MPPED2: variants seen among roughly 807,000 people sequenced by gnomAD.
MPPED2 encodes the protein metallophosphoesterase domain containing 2.
MPPED2 carries 5 observed loss-of-function variants against 33.0 expected under a neutral mutation model. The observed-to-expected ratio is 0.15, with a 90% CI of 0.08 to 0.32. The LOEUF (loss-of-function observed/expected upper bound fraction) is 0.32. MPPED2 is among the 10% of genes least tolerant of loss of function. The probability of loss-of-function intolerance (pLI) is 1.00; values close to 1 mark genes in which losing one functional copy is unlikely to be tolerated. For synonymous variants in MPPED2, 136 were observed against 141.9 expected, an observed-to-expected ratio of 0.96 and a Z score of 0.29; for missense variants, 275 against 372.1, an observed-to-expected ratio of 0.74 and a Z score of 2.15.
intron 4 of MPPED2, among the ~76,000 whole-genome samples, chr11:30,476,737 A>C (rs948670160): frequency 3.3e-5 from 5 of 152,070 alleles, no homozygotes; most frequent in Non-Finnish European, 5.9e-5. Context: ...TTTTATTTTC[A>C]AAAAATATTA....
chr11:30,558,734 C>T (rs1048815870), intron 2 of MPPED2, among the ~76,000 whole-genome samples: 1 of 151,776 alleles, frequency 6.6e-6, no homozygotes, highest in Non-Finnish European at 1.5e-5. Flanking sequence ...TCCTTCTTTT[C>T]TTCCTTCTTC....
chr11:30,410,915 T>A lies in MPPED2; in HGVS notation c.*553A>T, dbSNP rs952453503. ...TAAATGACAGCCATTTTCTTCTCAATGCAGCTTTCTTTATAGTGAGAGTAT... is the reference window on the plus strand; with the variant it reads ...TAAATGACAGCCATTTTCTTCTCAAAGCAGCTTTCTTTATAGTGAGAGTAT... On this transcript the variant is annotated 3_prime_UTR_variant, in exon 7 of 7. Coordinates refer to ENST00000358117, the MANE Select transcript of MPPED2 (RefSeq NM_001584.3). 1.1e-5 allele frequency: 11 copies of A among 985,690 alleles called. No homozygotes were observed. The African/African-American group carries it at 1.9e-4, about 17-fold the overall frequency. The allele number at this position is 985,690 out of a possible 1,614,324, so 61.1% of individuals were successfully genotyped here.
rs770902960 is a variant in MPPED2 at position 30,580,319 on chromosome 11, T to A, written c.55A>T (p.Ser19Cys). ...GKVTITVDEY[S>C]SNPTQAFTHY... is the part of the protein sequence containing the mutation. ...GTGAATGCCTGGGTGGGGTTTGAGC[T>A]GTACTCATCCACCGTTATGGTAACT... The change falls in exon 2 of 7, where the codon AGC (serine) becomes TGC (cysteine). Residue 19 changes from serine (S) to cysteine (C), a missense_variant. Coordinates refer to ENST00000358117, the MANE Select transcript of MPPED2 (RefSeq NM_001584.3). 1 of 1,614,106 alleles carries A rather than the reference T, an allele frequency of 6.2e-7. No individual in the cohort carries two copies. The highest frequency in any genetic ancestry group is 1.7e-5 in the Admixed American group (1 of 60,016).
chr11:30,487,477 T>G (rs746293934), intron 4 of MPPED2, among the ~76,000 whole-genome samples: 3 of 152,122 alleles, frequency 2.0e-5, no homozygotes, highest in Non-Finnish European at 4.4e-5. Flanking sequence ...TATAACACAT[T>G]AAGACATAAA....
chr11:30,431,022 T>C (rs1229462427), intron 4 of MPPED2, among the ~76,000 whole-genome samples: 2 of 152,280 alleles, frequency 1.3e-5, no homozygotes, highest in East Asian at 3.9e-4. Context: ...GTATAAAATA[T>C]ATGCAATATA....
intron 3 of MPPED2, among the ~76,000 whole-genome samples, chr11:30,525,808 A>T (rs1000541094): frequency 1.3e-5 from 2 of 152,226 alleles, no homozygotes; most frequent in Non-Finnish European, 2.9e-5. Context: ...TGGAGGAAAG[A>T]TGTCATATAA....
At chr11:30,389,509 T>A (rs778668867) in intron 6 of MPPED2, among the ~76,000 whole-genome samples, 1 of 152,222 alleles carries the variant, frequency 6.6e-6, no homozygotes, top group Non-Finnish European at 1.5e-5. Context: ...TGTATGCTGG[T>A]GGTTATGATT....
chr11:30,506,853 G>A (rs1222321), intron 3 of MPPED2, among the ~76,000 whole-genome samples: 9,521 of 152,186 alleles, frequency 0.063, 406 homozygotes, highest in South Asian at 0.13. Context: ...CAGGATTTCC[G>A]AATGCAGGAA....
chr11:30,390,563 G>A (rs761558599), intron 6 of MPPED2, among the ~76,000 whole-genome samples: 7 of 152,326 alleles, frequency 4.6e-5, no homozygotes, highest in Non-Finnish European at 5.9e-5. Flanking sequence ...TGTGGCAGGC[G>A]CTGAAATATG....
intron 3 of MPPED2, among the ~76,000 whole-genome samples, chr11:30,530,728 GTA>G: frequency 6.6e-6 from 1 of 152,324 alleles, no homozygotes; most frequent in Middle Eastern, 3.4e-3. Flanking sequence ...GCCTATTTGT[GTA>G]GCATCCATGA....
intron 5 of MPPED2, 148 bp from the exon 6 acceptor site, chr11:30,414,489 A>G (rs1948251489): frequency 2.0e-6 from 1 of 501,932 alleles, no homozygotes. Flanking sequence ...GCTTTTAAGA[A>G]ACTTTTCACT....
intron 4 of MPPED2, among the ~76,000 whole-genome samples, chr11:30,436,905 GATAA>G (rs1351416201): frequency 6.6e-6 from 1 of 152,194 alleles, no homozygotes; most frequent in Non-Finnish European, 1.5e-5. Flanking sequence ...AGGTTCTAGA[GATAA>G]ATAAAGACAT....
At chr11:30,452,531 T>C (rs1950105920) in intron 4 of MPPED2, among the ~76,000 whole-genome samples, 1 of 152,176 alleles carries the variant, frequency 6.6e-6, no homozygotes, top group Admixed American at 6.5e-5. Flanking sequence ...ATCACTGCAG[T>C]GTTTGTGAGA....
chr11:30,393,147 C>A (rs768962226), intron 6 of MPPED2, among the ~76,000 whole-genome samples: 5 of 152,150 alleles, frequency 3.3e-5, no homozygotes, highest in African/African-American at 7.2e-5. Flanking sequence ...TCATGTGGGT[C>A]AGAGTCTTGC....
chr11:30,513,603 T>C (rs1236703394), intron 3 of MPPED2, among the ~76,000 whole-genome samples: 1 of 152,180 alleles, frequency 6.6e-6, no homozygotes, highest in Non-Finnish European at 1.5e-5. Flanking sequence ...CCATGAAACA[T>C]AACAGGTGAT....
chr11:30,580,278 G>A lies in MPPED2; in HGVS notation c.96C>T (p.Asn32=), dbSNP rs1439511781. 1 of 1,614,016 alleles carries A rather than the reference G, an allele frequency of 6.2e-7. No individual in the cohort carries two copies. The highest frequency in any genetic ancestry group is 8.5e-7 in the Non-Finnish European group (1 of 1,179,950). The part of the protein sequence containing the change: ...PTQAFTHYNI[N]QSRFQPPHVH... ...CATGTGGAGGCTGGAATCTGCTCTG[G>A]TTGATGTTGTAGTGCGTGAATGCCT... Residue 32 remains asparagine, a synonymous_variant, in exon 2 of 7, where the codon AAC becomes AAT. Coordinates refer to ENST00000358117, the MANE Select transcript of MPPED2 (RefSeq NM_001584.3).
At chr11:30,491,476 T>A (rs542561377) in intron 4 of MPPED2, among the ~76,000 whole-genome samples, 43 of 152,342 alleles carry the variant, frequency 2.8e-4, no homozygotes, top group African/African-American at 9.9e-4. Context: ...GACAGAGGTA[T>A]AAAGTAGTTT....
At chr11:30,571,579 T>C (rs1565194342) in intron 2 of MPPED2, among the ~76,000 whole-genome samples, 1 of 152,150 alleles carries the variant, frequency 6.6e-6, no homozygotes, top group Non-Finnish European at 1.5e-5. Context: ...CTAACCATGC[T>C]AGGATAGCTA....
chr11:30,532,328 T>A (rs1954573937), intron 3 of MPPED2, among the ~76,000 whole-genome samples: 1 of 152,194 alleles, frequency 6.6e-6, no homozygotes, highest in Non-Finnish European at 1.5e-5. Flanking sequence ...GCCTTCAAGG[T>A]CTCTTCCTGT....
Sources: allele counts gnomAD v4.1 joint callset (sites outside exome capture counted in the v4.1 genomes callset), GRCh38; gene constraint gnomAD v4.1.1; transcripts MANE v1.5; gene names NCBI Gene and HGNC (gene_info 2026-07-23, HGNC 2026-07-21).